AUH: variants seen among roughly 807,000 people sequenced by gnomAD.
The protein encoded by AUH is methylglutaconyl-CoA hydratase, mitochondrial.
Under a neutral mutation model 42.3 loss-of-function variants are expected in AUH, and 29 were observed. The observed-to-expected ratio is 0.69, with a 90% CI of 0.51 to 0.93. The LOEUF is 0.93. Ranked by LOEUF, AUH falls within the 40% of genes least tolerant of loss-of-function variation. The probability of loss-of-function intolerance (pLI) is 0.00; values close to 1 mark genes in which losing one functional copy is unlikely to be tolerated. For missense variants in AUH, 452 were observed against 438.1 expected (o/e 1.03, Z -0.28); for synonymous variants, 174 against 166.4 (o/e 1.05, Z -0.35).
chr9:91,247,219 A>G (rs1454639161), intron 6 of AUH, among the ~76,000 whole-genome samples: 1 of 152,150 alleles, frequency 6.6e-6, no homozygotes, highest in Non-Finnish European at 1.5e-5. Flanking sequence ...ACATCCGGAC[A>G]GAGAAACACT....
intron 6 of AUH, among the ~76,000 whole-genome samples, chr9:91,256,780 A>ACT: frequency 6.6e-6 from 1 of 151,692 alleles, no homozygotes; most frequent in South Asian, 2.1e-4. Context: ...CTGCATACCT[A>ACT]CTCTCTGGTG....
At chr9:91,234,397 C>T (rs960751140) in intron 6 of AUH, among the ~76,000 whole-genome samples, 2 of 152,152 alleles carry the variant, frequency 1.3e-5, no homozygotes, top group Non-Finnish European at 2.9e-5. Flanking sequence ...CTGTCTAGTT[C>T]TGGGGCTCCT....
At chr9:91,294,871 G>A (rs2131638769) in intron 6 of AUH, 1 of 424,330 alleles carries the variant, frequency 2.4e-6, no homozygotes, top group East Asian at 7.1e-5. Flanking sequence ...AATTTCTGAA[G>A]TCTCATTATA....
chr9:91,232,834 G>A (rs1827965560), intron 6 of AUH, among the ~76,000 whole-genome samples: 1 of 152,258 alleles, frequency 6.6e-6, no homozygotes, highest in South Asian at 2.1e-4. Context: ...TGAAGAGGCA[G>A]CAGAATCTAC....
intron 4 of AUH, among the ~76,000 whole-genome samples, chr9:91,303,310 G>T (rs1293699895): frequency 1.3e-5 from 2 of 152,118 alleles, no homozygotes; most frequent in African/African-American, 2.4e-5. Flanking sequence ...GATTATTAAA[G>T]GAAAATGTTA....
rs1039630178 is a variant in AUH at position 91,306,398 on chromosome 9, G to T, written c.506-8322C>A. On this transcript the variant is annotated intron_variant, in intron 4 of 9. Transcript: ENST00000375731. ...TAACAAAACTCTTGGCATTTAAAAT[G>T]CTGCTTAACATGGTAAATGCAGTCA... is the stretch of plus-strand genomic sequence containing the variant. The T allele has an allele frequency of 3.0e-6, 3 of 984,832 alleles. No individual in the cohort carries two copies. The East Asian group carries it at 3.4e-4, about 112-fold the overall frequency. 61.0% of individuals were successfully genotyped at this position (984,832 alleles called of 1,614,324 possible).
intron 9 of AUH, among the ~76,000 whole-genome samples, 193 bp from the exon 10 acceptor site, chr9:91,214,618 T>C (rs1212597535): frequency 6.6e-6 from 1 of 152,082 alleles, no homozygotes; most frequent in Non-Finnish European, 1.5e-5. Flanking sequence ...TTTGCTCTTC[T>C]TTTTCTAGTT....
Position 91,267,685 on chromosome 9 carries a change from AG to A in AUH, c.655+28335del, listed in dbSNP as rs1430479699. On this transcript the variant is annotated intron_variant, in intron 6 of 9. Transcript: ENST00000375731. ...ACTGAAATGCTGCATCCTTGCTGTT[AG>A]TGGTTTAAGGGAGCCTCGGTCTATG... 8.8e-4 allele frequency among the ~76,000 whole-genome samples: 134 copies of A among 152,210 alleles called. 1 individual carries two copies. The highest frequency in any genetic ancestry group is 3.2e-3 in the African/African-American group (132 of 41,524).
chr9:91,305,142 A>G (rs1051516178), intron 4 of AUH, among the ~76,000 whole-genome samples: 1 of 152,236 alleles, frequency 6.6e-6, no homozygotes, highest in Admixed American at 6.5e-5. Context: ...TGACTTCCTT[A>G]GTCAATTAGA....
At chr9:91,256,515 G>C (rs1252967527) in intron 6 of AUH, among the ~76,000 whole-genome samples, 1 of 152,092 alleles carries the variant, frequency 6.6e-6, no homozygotes, top group East Asian at 1.9e-4. Context: ...ACGGAGAAGG[G>C]AGAGGAGGAA....
chr9:91,294,799 T>C (rs1183060903), intron 6 of AUH: 3 of 454,900 alleles, frequency 6.6e-6, no homozygotes, highest in East Asian at 6.9e-5. Flanking sequence ...AGGAAGTCAC[T>C]ACAGATGTGG....
At chr9:91,284,589 T>C (rs995741325) in intron 6 of AUH, among the ~76,000 whole-genome samples, 1 of 152,064 alleles carries the variant, frequency 6.6e-6, no homozygotes, top group Non-Finnish European at 1.5e-5. Flanking sequence ...ATATCCAGAA[T>C]CTACAATGAA....
intron 6 of AUH, among the ~76,000 whole-genome samples, chr9:91,269,746 TCAGCTACCCCTTTATGACACA>T (rs1274721927): frequency 1.3e-5 from 2 of 152,232 alleles, no homozygotes; most frequent in African/African-American, 4.8e-5. Flanking sequence ...ATGTTTGAGT[TCAGCTACCCCTTTATGACACA>T]CAGCATCCAG....
chr9:91,324,961 G>C (rs1442469888), intron 4 of AUH, among the ~76,000 whole-genome samples: 5 of 151,894 alleles, frequency 3.3e-5, no homozygotes, highest in African/African-American at 7.2e-5. Flanking sequence ...GATAGTTACT[G>C]TAAGTCTTAA....
intron 4 of AUH, among the ~76,000 whole-genome samples, chr9:91,318,192 G>A (rs1268015234): frequency 6.6e-6 from 1 of 152,162 alleles, no homozygotes; most frequent in African/African-American, 2.4e-5. Context: ...CATCTTAAAA[G>A]TAAATCTCTA....
chr9:91,286,082 C>CA (rs1458025224), intron 6 of AUH, among the ~76,000 whole-genome samples: 1 of 151,984 alleles, frequency 6.6e-6, no homozygotes, highest in Non-Finnish European at 1.5e-5. Flanking sequence ...TTATGAAAAT[C>CA]AAATTTACCC....
intron 4 of AUH, among the ~76,000 whole-genome samples, chr9:91,302,505 C>T (rs567036624): frequency 1.5e-4 from 23 of 152,290 alleles, no homozygotes; most frequent in Non-Finnish European, 2.9e-4. Context: ...AGGAGAATCG[C>T]TTGAACCCAG....
At chr9:91,234,176 C>T (rs1215637010) in intron 6 of AUH, among the ~76,000 whole-genome samples, 1 of 152,182 alleles carries the variant, frequency 6.6e-6, no homozygotes, top group Non-Finnish European at 1.5e-5. Flanking sequence ...CTGTATCAGC[C>T]TTGGACAGTA....
At chr9:91,252,281 G>T (rs1829175051) in intron 6 of AUH, among the ~76,000 whole-genome samples, 1 of 151,328 alleles carries the variant, frequency 6.6e-6, no homozygotes, top group African/African-American at 2.4e-5. Flanking sequence ...TTTTTTTTAG[G>T]AAAAAAGTAG....
Sources: gnomAD v4.1 joint callset for allele counts (sites outside exome capture counted in the v4.1 genomes callset) on GRCh38, gnomAD v4.1.1 for gene constraint, MANE v1.5 for transcripts, NCBI Gene and HGNC (gene_info 2026-07-23, HGNC 2026-07-21) for gene names.